DNAJB14: variants seen among roughly 807,000 people sequenced by gnomAD.
DNAJB14 encodes DnaJ heat shock protein family (Hsp40) member B14.
In DNAJB14, 22 loss-of-function variants were observed where a neutral mutation model predicts 48.4. The ratio of observed to expected loss-of-function variants is 0.45; its 90% CI spans 0.32 to 0.65. The LOEUF is 0.65. Ranked by LOEUF, DNAJB14 falls within the 30% of genes least tolerant of loss-of-function variation. DNAJB14 has a pLI of 0.03. For synonymous variants in DNAJB14, 142 were observed against 158.7 expected, an observed-to-expected ratio of 0.89 and a Z score of 0.79; for missense variants, 319 against 458.8, an observed-to-expected ratio of 0.70 and a Z score of 2.78.
In DNAJB14 at chr4:99,906,524, C is replaced by CT. The variant is rs1725473645; in HGVS notation, c.724dup (p.Arg242LysfsTer31). The CT allele has an allele frequency of 6.2e-7, 1 of 1,611,070 alleles. No homozygotes were observed. The highest frequency in any genetic ancestry group is 1.3e-5 in the African/African-American group (1 of 74,808). Reference sequence around the variant, plus strand: ...TTCTAGTCATAAACGTACATCTCCTCTTTCCTCTTCTCTTTCATGTCCACT... The same window carrying CT: ...TTCTAGTCATAAACGTACATCTCCTCTTTTCCTCTTCTCTTTCATGTCCACT... On this transcript the variant is annotated frameshift_variant, in exon 5 of 8. Transcript: ENST00000442697. LOFTEE classifies it high-confidence loss of function.
intron 6 of DNAJB14, among the ~76,000 whole-genome samples, chr4:99,904,287 TTA>T: frequency 6.6e-6 from 1 of 152,304 alleles, no homozygotes; most frequent in East Asian, 1.9e-4. Flanking sequence ...TGTTAAATAC[TTA>T]TATGTGAATT....
intron 2 of DNAJB14, 55 bp downstream of exon 2, chr4:99,930,395 C>G (rs1363188714): frequency 6.7e-7 from 1 of 1,492,506 alleles, no homozygotes; most frequent in African/African-American, 1.4e-5. Flanking sequence ...GTTATAACAT[C>G]AAAAAGTACA....
chr4:99,906,402 T>A, intron 5 of DNAJB14, 115 bp downstream of exon 5: 1 of 1,088,512 alleles, frequency 9.2e-7, no homozygotes. Flanking sequence ...ACCAAACACC[T>A]CTAGTAAGAG....
intron 3 of DNAJB14, among the ~76,000 whole-genome samples, chr4:99,911,983 C>T (rs1234874274): frequency 1.3e-5 from 2 of 152,146 alleles, no homozygotes. Context: ...TAAAGATTGA[C>T]TCCCATTATT....
intron 7 of DNAJB14, among the ~76,000 whole-genome samples, chr4:99,902,388 G>C (rs1046005070): frequency 1.3e-5 from 2 of 151,968 alleles, no homozygotes; most frequent in Non-Finnish European, 2.9e-5. Context: ...CTCTAGGGAT[G>C]GGTGGGGTGG....
intron 1 of DNAJB14, among the ~76,000 whole-genome samples, chr4:99,935,893 C>T (rs935377411): frequency 1.3e-5 from 2 of 151,982 alleles, no homozygotes; most frequent in South Asian, 4.2e-4. Context: ...CATGGTGAAA[C>T]CTCGTCTCTA....
intron 1 of DNAJB14, among the ~76,000 whole-genome samples, chr4:99,931,809 T>TA (rs1459648589): frequency 6.6e-6 from 1 of 150,812 alleles, no homozygotes; most frequent in African/African-American, 2.4e-5. Flanking sequence ...AAAATGTAAC[T>TA]AAAAAAATCA....
At chr4:99,904,488 TG>T (rs1229821543) in intron 6 of DNAJB14, among the ~76,000 whole-genome samples, 1 of 152,094 alleles carries the variant, frequency 6.6e-6, no homozygotes, top group African/African-American at 2.4e-5. Flanking sequence ...CTTCAGGCTG[TG>T]TGAATAGGGT....
intron 4 of DNAJB14, among the ~76,000 whole-genome samples, chr4:99,908,394 C>A (rs1160106027): frequency 6.6e-6 from 1 of 151,998 alleles, no homozygotes; most frequent in Non-Finnish European, 1.5e-5. Context: ...GTAAAGAAAA[C>A]CATTCATAAT....
intron 1 of DNAJB14, among the ~76,000 whole-genome samples, chr4:99,938,112 A>AT (rs1175872955): frequency 6.8e-6 from 1 of 146,280 alleles, no homozygotes; most frequent in Non-Finnish European, 1.5e-5. Flanking sequence ...AAAAAAAAAA[A>AT]AAAAAAAAAA....
Position 99,930,564 on chromosome 4 carries a change from C to A in DNAJB14, c.191G>T (p.Arg64Leu), listed in dbSNP as rs141268475. 42 of 1,612,322 alleles carry A rather than the reference C, an allele frequency of 2.6e-5. No homozygotes were observed. Among genetic ancestry groups the A allele is most frequent in the Middle Eastern group, 1.6e-4 (1 of 6,078 alleles). Residue 64 changes from arginine to leucine, a missense_variant, in exon 2 of 8, where the codon CGA (arginine) becomes CTA (leucine). Arg to Leu is a moderately radical substitution (Grantham distance 102). Transcript: ENST00000442697. ...GSTAGNSPHC[R>L]KPSGSGDQSK... ...TTGATCGCCACTACCTGATGGTTTT[C>A]GGCAATGAGGGCTATTTCCAGCCGT...
rs1257759417 is a variant in DNAJB14 at position 99,906,192 on chromosome 4, A to C, written c.732+325T>G. On this transcript the variant is annotated intron_variant, in intron 5 of 7. Coordinates refer to ENST00000442697, the MANE Select transcript of DNAJB14 (RefSeq NM_001031723.4). ...GGTATAACTGCATTAGAACAAGGAA[A>C]GTTACCTCCAATTCAAGTTTTTCAG... The C allele has an allele frequency of 3.7e-6, 5 of 1,335,340 alleles. No individual in the cohort carries two copies. In the East Asian group the frequency reaches 1.8e-4, roughly 47 times the overall value. The allele number at this position is 1,335,340 out of a possible 1,614,324, so 82.7% of individuals were successfully genotyped here.
rs913023063 is a variant in DNAJB14 at position 99,897,395 on chromosome 4, G to A, written c.*3633C>T. 1 of 151,710 alleles carries A rather than the reference G, an allele frequency of 6.6e-6. No individual in the cohort carries two copies. The highest frequency in any genetic ancestry group is 6.6e-5 in the Admixed American group (1 of 15,222). The allele number at this position is 151,710 out of a possible 1,614,324, so 9.4% of individuals were successfully genotyped here. A position where few individuals can be genotyped will look rare whatever the true frequency, so the allele number is the denominator to read the frequency against. Reference sequence around the variant, plus strand: ...TATAAGGAGTATGTTTTGAATTAATGTTTTGAGGAAAAGTGTTTCCATTTA... The same window carrying A: ...TATAAGGAGTATGTTTTGAATTAATATTTTGAGGAAAAGTGTTTCCATTTA... On this transcript the variant is annotated 3_prime_UTR_variant, in exon 8 of 8. Coordinates refer to ENST00000442697, the MANE Select transcript of DNAJB14 (RefSeq NM_001031723.4).
At chr4:99,919,586 A>AAAACAAAC (rs112393273) in intron 3 of DNAJB14, among the ~76,000 whole-genome samples, 37,016 of 150,634 alleles carry the variant, frequency 0.25, 4,752 homozygotes, top group African/African-American at 0.31. Flanking sequence ...TCCATCTTAA[A>AAAACAAAC]AAACAAACAA....
rs992097068 is a variant in DNAJB14 at position 99,918,726 on chromosome 4, G to C, written c.451+4314C>G. ...CGTCTCCCTGGCTAGGAGGAGAAGA[G>C]ATACTTCATTACTGTTCTCCATTTA... On this transcript the variant is annotated intron_variant, in intron 3 of 7. Transcript: ENST00000442697. 4.6e-5 allele frequency among the ~76,000 whole-genome samples: 7 copies of C among 152,316 alleles called. No homozygotes were observed. In the South Asian group the frequency reaches 6.2e-4, roughly 14 times the overall value.
intron 1 of DNAJB14, among the ~76,000 whole-genome samples, chr4:99,944,810 C>G (rs1727008671): frequency 6.6e-6 from 1 of 152,130 alleles, no homozygotes; most frequent in Non-Finnish European, 1.5e-5. Context: ...CTCCTCACCT[C>G]AAATGATCCG....
At chr4:99,937,272 G>A (rs116159950) in intron 1 of DNAJB14, among the ~76,000 whole-genome samples, 18,021 of 151,690 alleles carry the variant, frequency 0.12, 1,213 homozygotes, top group South Asian at 0.2. Context: ...AGCCGAGATC[G>A]CGCCATACAC....
At chr4:99,929,130 T>C (rs929294816) in intron 2 of DNAJB14, 2 of 153,312 alleles carry the variant, frequency 1.3e-5, no homozygotes, top group Admixed American at 1.3e-4. Context: ...TCTTGCTCTG[T>C]CGCCCAGGCT....
At chr4:99,905,928 T>C (rs1361036664) in intron 5 of DNAJB14, 6 of 1,351,120 alleles carry the variant, frequency 4.4e-6, no homozygotes, top group Non-Finnish European at 5.8e-6. Flanking sequence ...TTTGATTTCA[T>C]TTTATAGATG....
Sources: gnomAD v4.1 joint callset for allele counts (sites outside exome capture counted in the v4.1 genomes callset) on GRCh38, gnomAD v4.1.1 for gene constraint, MANE v1.5 for transcripts, NCBI Gene and HGNC (gene_info 2026-07-23, HGNC 2026-07-21) for gene names.